The following GALNTL6 variants were observed in gnomAD, a reference collection of about 807,000 sequenced individuals.
The protein encoded by GALNTL6 is polypeptide N-acetylgalactosaminyltransferase like 6, also known as polypeptide N-acetylgalactosaminyltransferase-like 6.
GALNTL6 carries 46 observed loss-of-function variants against 73.7 expected under a neutral mutation model. The ratio of observed to expected loss-of-function variants is 0.62; its 90% CI spans 0.49 to 0.80. The LOEUF is 0.80. Among genes scored for constraint, GALNTL6 ranks in the 30% least tolerant of loss-of-function variants. GALNTL6 has a pLI of 0.00. For synonymous variants in GALNTL6, 259 were observed against 263.7 expected, an observed-to-expected ratio of 0.98 and a Z score of 0.17; for missense variants, 604 against 755.0, an observed-to-expected ratio of 0.80 and a Z score of 2.34.
At chr4:172,339,669 C>T (rs1000669293) in intron 4 of GALNTL6, among the ~76,000 whole-genome samples, 1 of 152,196 alleles carries the variant, frequency 6.6e-6, no homozygotes. Flanking sequence ...TTTCTCCAAG[C>T]CTCTCCCCAA....
At chr4:171,904,789 A>G (rs1280905518) in intron 2 of GALNTL6, among the ~76,000 whole-genome samples, 4 of 152,208 alleles carry the variant, frequency 2.6e-5, no homozygotes, top group African/African-American at 9.7e-5. Context: ...GACTAACAGC[A>G]GATCTCTCAG....
intron 2 of GALNTL6, among the ~76,000 whole-genome samples, chr4:172,049,748 C>T (rs1287901505): frequency 6.6e-6 from 1 of 152,142 alleles, no homozygotes; most frequent in South Asian, 2.1e-4. Flanking sequence ...CTTTGGGAGG[C>T]CAAGGCAGGT....
At chr4:172,988,206 A>T (rs922239520) in intron 10 of GALNTL6, among the ~76,000 whole-genome samples, 1 of 152,184 alleles carries the variant, frequency 6.6e-6, no homozygotes, top group Non-Finnish European at 1.5e-5. Context: ...GTCCAGGCTG[A>T]GGTGGTCTCA....
rs568120314 is a variant in GALNTL6, at chr4:171,925,662, A to C, written c.138+110944A>C. Among the ~76,000 whole-genome samples the C allele has an allele frequency of 6.6e-5, 10 of 152,288 alleles. No individual in the cohort carries two copies. In the South Asian group the frequency reaches 1.5e-3, roughly 22 times the overall value. On this transcript the variant is annotated intron_variant, in intron 2 of 12. Transcript: ENST00000506823. ...TTTAGAATTGTTTTCTGGGATTATG[A>C]TGAGGGAAAATCCCTTTTCTAGCAA...
intron 7 of GALNTL6, among the ~76,000 whole-genome samples, chr4:172,873,310 G>A (rs1277357920): frequency 1.3e-5 from 2 of 152,174 alleles, no homozygotes; most frequent in Non-Finnish European, 2.9e-5. Flanking sequence ...CTTCCTCCTA[G>A]CCTGGTGGCT....
intron 2 of GALNTL6, among the ~76,000 whole-genome samples, chr4:171,959,385 G>A (rs1739148453): frequency 6.6e-6 from 1 of 152,210 alleles, no homozygotes; most frequent in African/African-American, 2.4e-5. Context: ...TCAGCCGATA[G>A]AGCTATTACA....
chr4:172,720,071 C>A (rs1165444997), intron 5 of GALNTL6, among the ~76,000 whole-genome samples: 1 of 152,054 alleles, frequency 6.6e-6, no homozygotes, highest in Non-Finnish European at 1.5e-5. Flanking sequence ...AAATATAGGT[C>A]TTTATGACCT....
chr4:171,962,797 T>G (rs1259839601), intron 2 of GALNTL6, among the ~76,000 whole-genome samples: 2 of 144,604 alleles, frequency 1.4e-5, no homozygotes, highest in Non-Finnish European at 3.0e-5. Flanking sequence ...AGATGATGTC[T>G]CGCTCTGTCG....
At chr4:171,928,748 C>A (rs946455947) in intron 2 of GALNTL6, among the ~76,000 whole-genome samples, 1 of 152,160 alleles carries the variant, frequency 6.6e-6, no homozygotes, top group Non-Finnish European at 1.5e-5. Flanking sequence ...GCTCCAGTTG[C>A]CTACAGTATT....
At chr4:172,608,158 A>T (rs1219948323) in intron 5 of GALNTL6, among the ~76,000 whole-genome samples, 2 of 151,770 alleles carry the variant, frequency 1.3e-5, no homozygotes, top group Non-Finnish European at 2.9e-5. Flanking sequence ...CTCGATTTTC[A>T]TTTGTGTTGC....
intron 2 of GALNTL6, among the ~76,000 whole-genome samples, chr4:172,045,631 G>T (rs1434592812): frequency 6.6e-6 from 1 of 151,698 alleles, no homozygotes; most frequent in African/African-American, 2.4e-5. Flanking sequence ...TTCCTTTTTA[G>T]GCATGTGAAC....
chr4:172,215,689 T>C (rs1170570489), intron 2 of GALNTL6, among the ~76,000 whole-genome samples: 1 of 152,196 alleles, frequency 6.6e-6, no homozygotes, highest in Non-Finnish European at 1.5e-5. Context: ...GTGATTTAAC[T>C]GCTCTATTAA....
intron 5 of GALNTL6, among the ~76,000 whole-genome samples, chr4:172,634,234 T>A (rs1375287658): frequency 6.6e-6 from 1 of 152,150 alleles, no homozygotes; most frequent in Non-Finnish European, 1.5e-5. Context: ...TTCTCTCCAG[T>A]CCATAGCAGT....
At chr4:171,849,552 T>G (rs1486032053) in intron 2 of GALNTL6, among the ~76,000 whole-genome samples, 2 of 152,190 alleles carry the variant, frequency 1.3e-5, no homozygotes, top group Non-Finnish European at 2.9e-5. Context: ...AAGAAAATCT[T>G]GTAAGCAATT....
intron 8 of GALNTL6, among the ~76,000 whole-genome samples, chr4:172,919,200 A>G (rs1158824467): frequency 1.3e-5 from 2 of 152,198 alleles, no homozygotes; most frequent in Admixed American, 6.5e-5. Flanking sequence ...ACTTAGAAGA[A>G]AGGAAGAATT....
intron 5 of GALNTL6, among the ~76,000 whole-genome samples, chr4:172,349,845 A>AT (rs1554016263): frequency 0.2 from 18,910 of 94,252 alleles, 1,318 homozygotes; most frequent in Middle Eastern, 0.26. Context: ...ATATATATAT[A>AT]TTTTTTTTAA....
intron 5 of GALNTL6, among the ~76,000 whole-genome samples, chr4:172,763,247 C>T (rs571211790): frequency 1.3e-5 from 2 of 151,286 alleles, no homozygotes; most frequent in East Asian, 3.9e-4. Context: ...GTAAAATCTA[C>T]TTATAAGTAA....
At chr4:172,247,735 C>T (rs944512308) in intron 3 of GALNTL6, among the ~76,000 whole-genome samples, 2 of 152,160 alleles carry the variant, frequency 1.3e-5, no homozygotes, top group African/African-American at 4.8e-5. Flanking sequence ...GACCCTCCAC[C>T]CCACCCCAGT....
intron 2 of GALNTL6, among the ~76,000 whole-genome samples, chr4:171,898,811 A>G (rs1320506355): frequency 6.6e-6 from 1 of 152,054 alleles, no homozygotes. Flanking sequence ...ATAATGTACA[A>G]CTGCCAAAAT....
Sources: gnomAD v4.1 joint callset for allele counts (sites outside exome capture counted in the v4.1 genomes callset) on GRCh38, gnomAD v4.1.1 for gene constraint, MANE v1.5 for transcripts, NCBI Gene and HGNC (gene_info 2026-07-23, HGNC 2026-07-21) for gene names.